Variants in SIAH1 observed in about 807,000 individuals in gnomAD.
SIAH1 encodes E3 ubiquitin-protein ligase SIAH1.
SIAH1 carries 2 observed loss-of-function variants against 20.0 expected under a neutral mutation model. The ratio of observed to expected loss-of-function variants is 0.10; its 90% CI spans 0.04 to 0.31. SIAH1 has a LOEUF of 0.31. Among genes scored for constraint, SIAH1 ranks in the 10% least tolerant of loss-of-function variants. The probability of loss-of-function intolerance (pLI) is 1.00; values close to 1 mark genes in which losing one functional copy is unlikely to be tolerated. For missense variants in SIAH1, 119 were observed against 355.3 expected (o/e 0.33, Z 5.35); for synonymous variants, 118 against 125.3 (o/e 0.94, Z 0.39).
At chr16:48,363,529 T>C (rs1461751604) in intron 1 of SIAH1, 1 of 167,072 alleles carries the variant, frequency 6.0e-6, no homozygotes, top group Non-Finnish European at 1.5e-5. Flanking sequence ...TATATCTTTC[T>C]GTTCTACTTT....
At chr16:48,371,909 CCTTA>C (rs1414451694) in intron 1 of SIAH1, among the ~76,000 whole-genome samples, 1 of 152,074 alleles carries the variant, frequency 6.6e-6, no homozygotes, top group African/African-American at 2.4e-5. Flanking sequence ...CTTTTTAAAA[CCTTA>C]CTTATAAAAT....
At chr16:48,384,754 C>A (rs1961398519) in intron 1 of SIAH1, among the ~76,000 whole-genome samples, 1 of 151,332 alleles carries the variant, frequency 6.6e-6, no homozygotes. Context: ...AGGGCCCCGG[C>A]AGCTGCCCGC....
At chr16:48,384,962 G>A (rs1380518160) in intron 1 of SIAH1, among the ~76,000 whole-genome samples, 2 of 145,394 alleles carry the variant, frequency 1.4e-5, no homozygotes, top group African/African-American at 2.5e-5. Context: ...CCACCCCGCC[G>A]GGCCCGGGGC....
chr16:48,364,984 A>C (rs1433567611), intron 1 of SIAH1: 1 of 171,432 alleles, frequency 5.8e-6, no homozygotes, highest in Non-Finnish European at 1.3e-5. Flanking sequence ...TATCTTTGCC[A>C]TTTTCCAAAC....
intron 1 of SIAH1, among the ~76,000 whole-genome samples, chr16:48,379,761 A>T (rs1478523466): frequency 6.6e-6 from 1 of 152,218 alleles, no homozygotes; most frequent in Non-Finnish European, 1.5e-5. Flanking sequence ...ATCCAATTCA[A>T]TGTGCAGAGT....
Position 48,361,238 on chromosome 16 carries a change from C to A in SIAH1, c.*342G>T, listed in dbSNP as rs1960577109. On this transcript the variant is annotated 3_prime_UTR_variant, in exon 2 of 2. Coordinates refer to ENST00000394725, the MANE Select transcript of SIAH1 (RefSeq NM_003031.4). The stretch of plus-strand genomic sequence containing the variant: ...AAACACGCACACACCCACGCAGGCA[C>A]ACACTCCCACGCAAAAACAAACTTT... The A allele has an allele frequency of 7.6e-6, 2 of 263,894 alleles. No individual in the cohort carries two copies. Among genetic ancestry groups the A allele is most frequent in the South Asian group, 8.1e-5 (2 of 24,686 alleles). 16.3% of individuals were successfully genotyped at this position (263,894 alleles called of 1,614,324 possible).
chr16:48,384,350 T>A (rs1006253215), intron 1 of SIAH1, among the ~76,000 whole-genome samples: 1 of 152,046 alleles, frequency 6.6e-6, no homozygotes, highest in African/African-American at 2.4e-5. Context: ...GCAAACAAAT[T>A]ATGTATCTTT....
intron 1 of SIAH1, among the ~76,000 whole-genome samples, chr16:48,377,273 CAAAA>C (rs1010679532): frequency 6.6e-6 from 1 of 150,410 alleles, no homozygotes. Context: ...CAAAACAAAA[CAAAA>C]AAAACAAGTC....
intron 1 of SIAH1, among the ~76,000 whole-genome samples, chr16:48,380,661 C>T (rs1315439942): frequency 1.3e-5 from 2 of 151,970 alleles, no homozygotes; most frequent in Non-Finnish European, 2.9e-5. Flanking sequence ...CAGTGGCCCA[C>T]GCCTGTAATC....
chr16:48,370,536 C>T (rs966248590), intron 1 of SIAH1, among the ~76,000 whole-genome samples: 1 of 152,086 alleles, frequency 6.6e-6, no homozygotes, highest in Non-Finnish European at 1.5e-5. Context: ...AAATAGATTT[C>T]GGCTGGGCGC....
chr16:48,370,237 A>C (rs537074872), intron 1 of SIAH1, among the ~76,000 whole-genome samples: 1 of 152,216 alleles, frequency 6.6e-6, no homozygotes, highest in Non-Finnish European at 1.5e-5. Flanking sequence ...AGGAAGAGCC[A>C]CATAAATTCT....
intron 1 of SIAH1, among the ~76,000 whole-genome samples, chr16:48,371,564 G>A (rs146217425): frequency 6.3e-4 from 96 of 152,328 alleles, no homozygotes; most frequent in African/African-American, 1.9e-3. Flanking sequence ...TCATGGAGAG[G>A]AAAGAGCAGA....
At chr16:48,377,634 A>C (rs892158899) in intron 1 of SIAH1, among the ~76,000 whole-genome samples, 4 of 152,020 alleles carry the variant, frequency 2.6e-5, no homozygotes, top group African/African-American at 9.7e-5. Context: ...ACCTCAAGTG[A>C]TCCACCAGCC....
At chr16:48,377,110 C>G (rs1412695576) in intron 1 of SIAH1, among the ~76,000 whole-genome samples, 1 of 152,138 alleles carries the variant, frequency 6.6e-6, no homozygotes, top group African/African-American at 2.4e-5. Flanking sequence ...AAATTCAAGA[C>G]TGGCATTAAA....
Position 48,385,373 on chromosome 16 carries a change from C to G in SIAH1, c.-172G>C, listed in dbSNP as rs1053145416. On this transcript the variant is annotated 5_prime_UTR_variant, in exon 1 of 2. Transcript: ENST00000394725. ...GCGCCCCGCAACGGCCGCCCCGGCT[C>G]CCCCCTGGCCGCCGCCGCCGCCGCC... 1.8e-4 allele frequency: 26 copies of G among 143,660 alleles called. No individual in the cohort carries two copies. The highest frequency in any genetic ancestry group is 6.5e-4 in the African/African-American group (24 of 36,654). 8.9% of individuals were successfully genotyped at this position (143,660 alleles called of 1,614,324 possible).
chr16:48,365,169 G>A (rs1229033417), intron 1 of SIAH1: 1 of 488,652 alleles, frequency 2.0e-6, no homozygotes. Context: ...CCACACAGGC[G>A]CCCTGCAGTA....
chr16:48,380,644 C>G lies in SIAH1; in HGVS notation c.-3+4560G>C, dbSNP rs1203060897. On this transcript the variant is annotated intron_variant, in intron 1 of 1. Transcript: ENST00000394725. ...TAAAACAGTAAGATACCACTACAGG[C>G]CAGGCGCAGTGGCCCACGCCTGTAA... 8.5e-5 allele frequency among the ~76,000 whole-genome samples: 13 copies of G among 152,160 alleles called. No homozygotes were observed. In the East Asian group the frequency reaches 2.3e-3, roughly 27 times the overall value.
At chr16:48,375,991 T>C (rs909185125) in intron 1 of SIAH1, among the ~76,000 whole-genome samples, 4 of 152,302 alleles carry the variant, frequency 2.6e-5, no homozygotes, top group African/African-American at 7.2e-5. Flanking sequence ...ATTCCATCGT[T>C]TGAAATTACA....
chr16:48,383,236 CTGTT>C (rs530552081), intron 1 of SIAH1, among the ~76,000 whole-genome samples: 83 of 152,114 alleles, frequency 5.5e-4, no homozygotes, highest in East Asian at 9.7e-4. Context: ...GAAAAAAAAA[CTGTT>C]TGGCATAAAC....
Sources: allele counts gnomAD v4.1 joint callset (sites outside exome capture counted in the v4.1 genomes callset), GRCh38; gene constraint gnomAD v4.1.1; transcripts MANE v1.5; gene names NCBI Gene and HGNC (gene_info 2026-07-23, HGNC 2026-07-21).